Variants in AACS observed in about 807,000 individuals in gnomAD.
The protein encoded by AACS is acetoacetate-CoA ligase.
AACS carries 69 observed loss-of-function variants against 83.1 expected under a neutral mutation model. The ratio of observed to expected loss-of-function variants is 0.83; its 90% CI spans 0.68 to 1.01. AACS has a LOEUF of 1.01. AACS is among the 50% of genes least tolerant of loss of function. The pLI is 0.00. For synonymous variants in AACS, 333 were observed against 343.4 expected (o/e 0.97, Z 0.33); for missense variants, 866 against 882.2 (o/e 0.98, Z 0.23).
At chr12:125,087,023 C>G (rs190908250) in intron 4 of AACS, among the ~76,000 whole-genome samples, 5 of 152,038 alleles carry the variant, frequency 3.3e-5, no homozygotes, top group African/African-American at 1.2e-4. Flanking sequence ...GGCGTCTACA[C>G]GGGCATTAGG....
At chr12:125,069,030 C>T (rs753891250) in intron 1 of AACS, among the ~76,000 whole-genome samples, 6 of 151,932 alleles carry the variant, frequency 3.9e-5, no homozygotes, top group East Asian at 1.9e-4. Context: ...TTAGTAGACA[C>T]GGGGGTTTCA....
intron 1 of AACS, 53 bp from the exon 2 acceptor site, chr12:125,073,823 A>G: frequency 6.8e-7 from 1 of 1,471,094 alleles, no homozygotes; most frequent in African/African-American, 1.4e-5. Flanking sequence ...CATCTTATTA[A>G]TGGATTGCCA....
In AACS at chr12:125,113,291, G is replaced by C. The variant is rs1388772246; in HGVS notation, c.916-1186G>C. On this transcript the variant is annotated intron_variant, in intron 8 of 17. Coordinates refer to ENST00000316519, the MANE Select transcript of AACS (RefSeq NM_023928.5). This position sits in a 1 kb window ranked among gnomAD's most constrained non-coding sequence, Gnocchi z 4.8. ...TTTTAATATATAAGTCCTTGCTTCA[G>C]CCTTCTAGGCCCTCCACAACCAGGA... is the stretch of plus-strand genomic sequence containing the variant. Among the ~76,000 whole-genome samples, 3 of 152,218 alleles carry C rather than the reference G, an allele frequency of 2.0e-5. No individual in the cohort carries two copies. The highest frequency in any genetic ancestry group is 2.9e-5 in the Non-Finnish European group (2 of 68,032).
At chr12:125,136,631 C>T (rs775257988) in intron 16 of AACS, 31 bp from the exon 17 acceptor site, 25 of 1,602,292 alleles carry the variant, frequency 1.6e-5, no homozygotes, top group South Asian at 2.2e-5. Flanking sequence ...GGGCCCCCTG[C>T]GTGAATGTGC....
intron 5 of AACS, 183 bp from the exon 6 acceptor site, chr12:125,102,496 T>C: frequency 1.7e-6 from 1 of 587,598 alleles, no homozygotes; most frequent in Non-Finnish European, 3.1e-6. Flanking sequence ...AGACAGGGTC[T>C]CACTCGTGCC....
At chr12:125,078,468 C>T (rs959783400) in intron 3 of AACS, 5 of 382,796 alleles carry the variant, frequency 1.3e-5, no homozygotes, top group South Asian at 3.8e-5. Context: ...CTGGCTCTCC[C>T]GTGCCCTTTG....
At chr12:125,117,256 A>G (rs943860401) in intron 9 of AACS, among the ~76,000 whole-genome samples, 1 of 152,142 alleles carries the variant, frequency 6.6e-6, no homozygotes, top group Admixed American at 6.5e-5. Context: ...TACTAAAAAT[A>G]CAAAAAAGTT....
At chr12:125,078,328 T>G (rs1281777952) in intron 3 of AACS, 1 of 456,202 alleles carries the variant, frequency 2.2e-6, no homozygotes, top group East Asian at 7.0e-5. Flanking sequence ...ACATTCCTGG[T>G]GAAGAGCCAT....
chr12:125,097,176 G>A lies in AACS; in HGVS notation c.571-5503G>A, dbSNP rs1418402762. Among the ~76,000 whole-genome samples, 1 of 152,072 alleles carries A rather than the reference G, an allele frequency of 6.6e-6. No homozygotes were observed. Among genetic ancestry groups the A allele is most frequent in the East Asian group, 1.9e-4 (1 of 5,172 alleles). On this transcript the variant is annotated intron_variant, in intron 5 of 17. Coordinates refer to ENST00000316519, the MANE Select transcript of AACS (RefSeq NM_023928.5). The surrounding 1 kb of genome is among the most constrained non-coding windows in gnomAD (Gnocchi z 4.3). ...CTCGGCCTGTTGCTGCTGGACTCCT[G>A]GGGGGCACCATTTTGGGGCTTTCTG...
rs118187518 is a variant in AACS at position 125,095,565 on chromosome 12, G to A, written c.570+4042G>A. ...TCCCTGGCCTCAGGCTTCCTGGCAG[G>A]TCTTCCTCTGGGCCCCACTCCACCT... On this transcript the variant is annotated intron_variant, in intron 5 of 17. Transcript: ENST00000316519. Among the ~76,000 whole-genome samples the A allele has an allele frequency of 1.1e-3, 175 of 152,270 alleles. 2 individuals carry two copies. In the East Asian group the frequency reaches 0.024, roughly 21 times the overall value.
intron 1 of AACS, among the ~76,000 whole-genome samples, chr12:125,070,024 C>CT (rs1181078227): frequency 6.6e-6 from 1 of 152,168 alleles, no homozygotes; most frequent in African/African-American, 2.4e-5. Context: ...TATTCCTTGT[C>CT]TATGAGGAAC....
chr12:125,093,827 A>G (rs529087660), intron 5 of AACS, among the ~76,000 whole-genome samples: 11 of 152,178 alleles, frequency 7.2e-5, no homozygotes, highest in Non-Finnish European at 1.6e-4. Context: ...TGTGTGACGC[A>G]CGTTACTCGC....
chr12:125,111,852 A>G (rs906481906), intron 8 of AACS, among the ~76,000 whole-genome samples: 1 of 152,240 alleles, frequency 6.6e-6, no homozygotes, highest in African/African-American at 2.4e-5. Flanking sequence ...GAATTAAGGG[A>G]AAAACGATGG....
At chr12:125,111,044 G>C (rs565024500) in intron 8 of AACS, among the ~76,000 whole-genome samples, 102 of 152,126 alleles carry the variant, frequency 6.7e-4, no homozygotes, top group African/African-American at 2.2e-3. Flanking sequence ...GGGTGGGAGC[G>C]AGGGGCTGAG....
chr12:125,079,180 G>A (rs905111341), intron 3 of AACS, among the ~76,000 whole-genome samples: 1 of 152,076 alleles, frequency 6.6e-6, no homozygotes, highest in African/African-American at 2.4e-5. Context: ...TGTGTCTGTG[G>A]GGAACAGCCA....
Position 125,103,085 on chromosome 12 carries a change from A to G in AACS, c.767+4A>G. On this transcript the variant is annotated splice_donor_region_variant and intron_variant, in intron 7 of 17. Transcript: ENST00000316519. ...ACCTTTCAAAGATTCCAAACAGGTA[A>G]TGTACCGCATTCTGACCCACAGGTC... 1.9e-6 allele frequency: 3 copies of G among 1,613,070 alleles called. No individual in the cohort carries two copies. Among genetic ancestry groups the G allele is most frequent in the Non-Finnish European group, 1.7e-6 (2 of 1,179,640 alleles).
At chr12:125,066,026 G>A (rs554930998) in intron 1 of AACS, among the ~76,000 whole-genome samples, 3 of 152,340 alleles carry the variant, frequency 2.0e-5, no homozygotes, top group Admixed American at 2.0e-4. Context: ...TTTCCTACCT[G>A]TGAGGTGCTC....
intron 12 of AACS, chr12:125,126,443 G>C (rs1172582462): frequency 6.6e-6 from 1 of 152,200 alleles, no homozygotes; most frequent in Admixed American, 6.5e-5. Context: ...GTGTGTGCTT[G>C]AGTGTGTGTG....
intron 1 of AACS, among the ~76,000 whole-genome samples, chr12:125,069,241 A>C (rs1955793045): frequency 6.6e-6 from 1 of 152,170 alleles, no homozygotes; most frequent in Non-Finnish European, 1.5e-5. Flanking sequence ...GTATGGGGCC[A>C]TGCTTTGGAC....
Sources: gnomAD v4.1 joint callset for allele counts (sites outside exome capture counted in the v4.1 genomes callset) on GRCh38, gnomAD v4.1.1 for gene constraint, Gnocchi (gnomAD v3.1) non-coding constraint, MANE v1.5 for transcripts, NCBI Gene and HGNC (gene_info 2026-07-23, HGNC 2026-07-21) for gene names.